Variants in SHC3 observed in about 807,000 individuals in gnomAD.
SHC3 encodes the protein SHC adaptor protein 3, also known as SHC-transforming protein 3.
Under a neutral mutation model 60.4 loss-of-function variants are expected in SHC3, and 15 were observed. The observed-to-expected ratio is 0.25, with a 90% CI of 0.17 to 0.38. The LOEUF is 0.38. SHC3 is among the 10% of genes least tolerant of loss of function. The pLI, the probability that SHC3 is intolerant of heterozygous loss-of-function variation, is 1.00. For synonymous variants in SHC3, 294 were observed against 325.9 expected, an observed-to-expected ratio of 0.90 and a Z score of 1.05; for missense variants, 677 against 786.1, an observed-to-expected ratio of 0.86 and a Z score of 1.66.
chr9:89,052,469 A>G (rs1156246699), intron 6 of SHC3, among the ~76,000 whole-genome samples: 1 of 152,222 alleles, frequency 6.6e-6, no homozygotes, highest in Non-Finnish European at 1.5e-5. Context: ...TAAAGCATCA[A>G]TTCTGACATC....
intron 1 of SHC3, among the ~76,000 whole-genome samples, chr9:89,116,159 A>T (rs1345156421): frequency 6.6e-6 from 1 of 152,160 alleles, no homozygotes; most frequent in Non-Finnish European, 1.5e-5. Flanking sequence ...GAACCCCACC[A>T]TCAACTCCAA....
chr9:89,127,784 C>T (rs565835507), intron 1 of SHC3, among the ~76,000 whole-genome samples: 19 of 152,082 alleles, frequency 1.2e-4, no homozygotes, highest in Middle Eastern at 3.4e-3. Context: ...ACTCCACCCC[C>T]CCCCACCACT....
At chr9:89,143,758 C>A (rs988052320) in intron 1 of SHC3, among the ~76,000 whole-genome samples, 4 of 152,078 alleles carry the variant, frequency 2.6e-5, no homozygotes, top group Admixed American at 6.5e-5. Context: ...CTTGCTATTG[C>A]CTGTTGCTTG....
At chr9:89,016,560 C>T (rs1826097640) in intron 11 of SHC3, among the ~76,000 whole-genome samples, 1 of 151,998 alleles carries the variant, frequency 6.6e-6, no homozygotes, top group Admixed American at 6.6e-5. Context: ...AAACACAAGG[C>T]CTAGATGGGT....
At chr9:89,098,106 G>T (rs189425866) in intron 2 of SHC3, among the ~76,000 whole-genome samples, 18 of 152,292 alleles carry the variant, frequency 1.2e-4, no homozygotes, top group Non-Finnish European at 7.4e-5. Flanking sequence ...TGCATAACCT[G>T]ACACTAATCA....
chr9:89,129,471 T>G (rs1826211141), intron 1 of SHC3, among the ~76,000 whole-genome samples: 5 of 151,960 alleles, frequency 3.3e-5, no homozygotes, highest in Admixed American at 3.3e-4. Flanking sequence ...TCACCAAAGT[T>G]GAAATGAAGG....
intron 6 of SHC3, among the ~76,000 whole-genome samples, chr9:89,059,932 G>A (rs1244120905): frequency 6.7e-6 from 1 of 150,052 alleles, no homozygotes; most frequent in African/African-American, 2.5e-5. Flanking sequence ...CATATAGGAT[G>A]TGGTGGAGGA....
intron 11 of SHC3, among the ~76,000 whole-genome samples, chr9:89,034,017 C>T (rs1035375783): frequency 2.6e-5 from 4 of 152,054 alleles, no homozygotes; most frequent in African/African-American, 4.8e-5. Context: ...ATAAAACATT[C>T]GGTGACCAAA....
intron 1 of SHC3, among the ~76,000 whole-genome samples, chr9:89,174,217 A>T (rs373469905): frequency 4.3e-4 from 66 of 152,322 alleles, no homozygotes; most frequent in African/African-American, 1.5e-3. Flanking sequence ...GCAGTAGAGC[A>T]TTTACAAATA....
At chr9:89,056,743 C>A (rs559979329) in intron 6 of SHC3, among the ~76,000 whole-genome samples, 1 of 152,266 alleles carries the variant, frequency 6.6e-6, no homozygotes, top group Non-Finnish European at 1.5e-5. Context: ...GGGCTAAGAT[C>A]GTCCTGTTTC....
At chr9:89,160,514 C>T (rs556374924) in intron 1 of SHC3, among the ~76,000 whole-genome samples, 11 of 152,250 alleles carry the variant, frequency 7.2e-5, no homozygotes, top group Middle Eastern at 3.4e-3. Context: ...CAGAACAAGA[C>T]GTGTAATTGA....
At chr9:89,066,300 T>C (rs1472069912) in intron 5 of SHC3, among the ~76,000 whole-genome samples, 1 of 152,194 alleles carries the variant, frequency 6.6e-6, no homozygotes, top group African/African-American at 2.4e-5. Flanking sequence ...CCAGAGTGGA[T>C]GTTCAAAGGC....
intron 11 of SHC3, among the ~76,000 whole-genome samples, chr9:89,031,062 T>C (rs1824479173): frequency 6.6e-6 from 1 of 152,156 alleles, no homozygotes; most frequent in Non-Finnish European, 1.5e-5. Flanking sequence ...AGCTAATTTT[T>C]TATTTTAGAG....
At chr9:89,063,979 G>T (rs902759828) in intron 6 of SHC3, among the ~76,000 whole-genome samples, 1 of 152,212 alleles carries the variant, frequency 6.6e-6, no homozygotes, top group Non-Finnish European at 1.5e-5. Flanking sequence ...AGGCTGGAAG[G>T]TGCCAGCAGA....
At chr9:89,090,366 G>A (rs1484529821) in intron 2 of SHC3, among the ~76,000 whole-genome samples, 2 of 152,186 alleles carry the variant, frequency 1.3e-5, no homozygotes, top group Non-Finnish European at 2.9e-5. Flanking sequence ...CGGCTTTGGA[G>A]AAAGGCAAGA....
rs1228686088 is a variant in SHC3, at chr9:89,007,040, A to T, written c.*6407T>A. On this transcript the variant is annotated 3_prime_UTR_variant, in exon 12 of 12. Coordinates refer to ENST00000375835, the MANE Select transcript of SHC3 (RefSeq NM_016848.6). ...AAATAGACACCTAAAATTGTATGAG[A>T]TTTTATTCCTGGTGCTTTTTCAGCG... 3 of 152,144 alleles carry T rather than the reference A, an allele frequency of 2.0e-5. No homozygotes were observed. Among genetic ancestry groups the T allele is most frequent in the East Asian group, 3.8e-4 (2 of 5,200 alleles). 9.4% of individuals were successfully genotyped at this position (152,144 alleles called of 1,614,324 possible). A position where few individuals can be genotyped will look rare whatever the true frequency, so the allele number is the denominator to read the frequency against.
chr9:89,072,929 T>G (rs933298957), intron 4 of SHC3, among the ~76,000 whole-genome samples: 5 of 152,226 alleles, frequency 3.3e-5, no homozygotes, highest in Non-Finnish European at 1.5e-5. Flanking sequence ...CTTTGGTTAT[T>G]GGCACTTACA....
At chr9:89,076,509 C>T (rs1055207990) in intron 3 of SHC3, among the ~76,000 whole-genome samples, 1 of 152,138 alleles carries the variant, frequency 6.6e-6, no homozygotes, top group African/African-American at 2.4e-5. Flanking sequence ...GTGGATTTAG[C>T]TGGGTATTCA....
Position 89,038,063 on chromosome 9 carries a change from C to T in SHC3, c.1586G>A (p.Gly529Asp). ...GTGCATGCCCGTGAGGACAAAGGAG[C>T]CCGGGTTGGTGGTGCTCTTCCTGAC... ...FLVRKSTTNP[G>D]SFVLTGMHNG... is the part of the protein sequence containing the mutation. Residue 529 changes from glycine (G) to aspartate (D), a missense_variant, in exon 11 of 12, where the codon GGC (glycine) becomes GAC (aspartate). By Grantham distance (94) the Gly-to-Asp change is moderately conservative (BLOSUM62 -1). Coordinates refer to ENST00000375835, the MANE Select transcript of SHC3 (RefSeq NM_016848.6). 3 of 1,613,990 alleles carry T rather than the reference C, an allele frequency of 1.9e-6. No individual in the cohort carries two copies. Among genetic ancestry groups the T allele is most frequent in the Non-Finnish European group, 2.5e-6 (3 of 1,180,022 alleles).
Sources: gnomAD v4.1 joint callset for allele counts (sites outside exome capture counted in the v4.1 genomes callset) on GRCh38, gnomAD v4.1.1 for gene constraint, MANE v1.5 for transcripts, NCBI Gene and HGNC (gene_info 2026-07-23, HGNC 2026-07-21) for gene names.